Variants in BMP8A observed in about 807,000 individuals in gnomAD.
BMP8A encodes bone morphogenetic protein 8a.
In BMP8A, 14 loss-of-function variants were observed where a neutral mutation model predicts 36.8. The ratio of observed to expected loss-of-function variants is 0.38; its 90% confidence interval spans 0.25 to 0.60. BMP8A has a LOEUF of 0.60. BMP8A is among the 20% of genes least tolerant of loss of function. The probability of loss-of-function intolerance (pLI) is 0.63; values close to 1 mark genes in which losing one functional copy is unlikely to be tolerated. For synonymous variants in BMP8A, 120 were observed against 237.7 expected, an observed-to-expected ratio of 0.50 and a Z score of 4.55; for missense variants, 267 against 551.1, an observed-to-expected ratio of 0.48 and a Z score of 5.16.
rs995998431 is a variant in BMP8A at position 39,528,118 on chromosome 1, C to T, written c.*2320C>T. Among the ~76,000 whole-genome samples, 8 of 152,172 alleles carry T rather than the reference C, an allele frequency of 5.3e-5. No homozygotes were observed. The highest frequency in any genetic ancestry group is 8.8e-5 in the Non-Finnish European group (6 of 68,042). The stretch of plus-strand genomic sequence containing the variant: ...GTTTGTGAAATGAATGTTTTCAAGA[C>T]GCAAACGCTGCTATGCCCATCAGGT... On this transcript the variant is annotated 3_prime_UTR_variant, in exon 7 of 7. Coordinates refer to ENST00000331593, the MANE Select transcript of BMP8A (RefSeq NM_181809.4).
At position 39,492,009 on chromosome 1, in the gene BMP8A, A is replaced by G. The variant is rs1873328; in HGVS notation, c.18A>G (p.Gly6=). 12 of 1,087,762 alleles carry G rather than the reference A, an allele frequency of 1.1e-5. No homozygotes were observed. Among genetic ancestry groups the G allele is most frequent in the Non-Finnish European group, 1.1e-5 (10 of 897,132 alleles). 67.4% of individuals were successfully genotyped at this position (1,087,762 alleles called of 1,614,324 possible). Reference sequence around the variant, plus strand: ...GGCCCGCCATGGCCGCGCGCCCCGGACCGCTCTGGCTTCTGGGCCTGACGT... The same window carrying G: ...GGCCCGCCATGGCCGCGCGCCCCGGGCCGCTCTGGCTTCTGGGCCTGACGT... MAARP[G]PLWLLGLTLC... is the part of the protein sequence containing the mutation. The change falls in exon 1 of 7, where the codon GGA becomes GGG. Residue 6 remains glycine, a synonymous_variant. Coordinates refer to ENST00000331593, the MANE Select transcript of BMP8A (RefSeq NM_181809.4).
chr1:39,510,720 T>A (rs1645346014), intron 1 of BMP8A, among the ~76,000 whole-genome samples: 1 of 152,216 alleles, frequency 6.6e-6, no homozygotes, highest in African/African-American at 2.4e-5. Flanking sequence ...TTATGTCCCC[T>A]GAGATGCCGT....
At chr1:39,497,636 A>G (rs919940884) in intron 1 of BMP8A, among the ~76,000 whole-genome samples, 58 of 152,298 alleles carry the variant, frequency 3.8e-4, no homozygotes, top group Admixed American at 2.0e-3. Context: ...TTAGGATTCC[A>G]GTCGCTTTCT....
At chr1:39,509,273 T>C (rs1249915643) in intron 1 of BMP8A, among the ~76,000 whole-genome samples, 1 of 152,172 alleles carries the variant, frequency 6.6e-6, no homozygotes, top group Admixed American at 6.5e-5. Flanking sequence ...GATTTTGTCT[T>C]GCAAATGGGG....
chr1:39,525,867 C>T lies in BMP8A; in HGVS notation c.*69C>T. The T allele has an allele frequency of 6.3e-7, 1 of 1,598,978 alleles. No individual in the cohort carries two copies. The highest frequency in any genetic ancestry group is 8.5e-7 in the Non-Finnish European group (1 of 1,174,526). Reference sequence around the variant, plus strand: ...TCGGGCCCTGCAGAGGCAGAAAACCCTTAAATGCTGTCACAGCTCAAGCAG... The same window carrying T: ...TCGGGCCCTGCAGAGGCAGAAAACCTTTAAATGCTGTCACAGCTCAAGCAG... On this transcript the variant is annotated 3_prime_UTR_variant, in exon 7 of 7. Coordinates refer to ENST00000331593, the MANE Select transcript of BMP8A (RefSeq NM_181809.4).
Position 39,511,120 on chromosome 1 carries a change from C to T in BMP8A, c.335-54C>T, listed in dbSNP as rs896006532. On this transcript the variant is annotated intron_variant, in intron 1 of 6. Coordinates refer to ENST00000331593, the MANE Select transcript of BMP8A (RefSeq NM_181809.4). ...GCGGTGGCTCACACCAGCTCTGCCCCCTCCAGAGCCCGAGCCATTCTGAGT... is the reference window on the plus strand; with the variant it reads ...GCGGTGGCTCACACCAGCTCTGCCCTCTCCAGAGCCCGAGCCATTCTGAGT... 14 of 1,481,178 alleles carry T rather than the reference C, an allele frequency of 9.5e-6. No homozygotes were observed. The South Asian group carries it at 1.4e-4, about 14-fold the overall frequency. The allele number at this position is 1,481,178 out of a possible 1,614,324, so 91.8% of individuals were successfully genotyped here.
chr1:39,499,035 C>T (rs919044458), intron 1 of BMP8A, among the ~76,000 whole-genome samples: 2 of 152,032 alleles, frequency 1.3e-5, no homozygotes, highest in South Asian at 2.1e-4. Context: ...CGGAACACAG[C>T]GGCCGATGAG....
intron 5 of BMP8A, among the ~76,000 whole-genome samples, chr1:39,522,708 CAACT>C (rs1436950607): frequency 7.9e-5 from 12 of 152,118 alleles, no homozygotes; most frequent in African/African-American, 2.9e-4. Flanking sequence ...CTGAATCAAC[CAACT>C]AAGCTGTCAG....
At chr1:39,508,176 G>A (rs1189433985) in intron 1 of BMP8A, among the ~76,000 whole-genome samples, 3 of 152,028 alleles carry the variant, frequency 2.0e-5, no homozygotes, top group South Asian at 2.1e-4. Flanking sequence ...GCGTGAACCC[G>A]GGAGGCGGAG....
chr1:39,492,449 G>T (rs1243410604), intron 1 of BMP8A, 124 bp downstream of exon 1: 24 of 1,348,328 alleles, frequency 1.8e-5, no homozygotes, highest in Non-Finnish European at 2.3e-5. Flanking sequence ...GCGAACCACA[G>T]GGGAGTGGGA....
chr1:39,503,547 C>T (rs971380860), intron 1 of BMP8A, among the ~76,000 whole-genome samples: 2 of 123,534 alleles, frequency 1.6e-5, no homozygotes, highest in African/African-American at 3.1e-5. Flanking sequence ...GATGGAGTCT[C>T]GCTCTCTCCC....
chr1:39,504,705 G>A (rs934429915), intron 1 of BMP8A, among the ~76,000 whole-genome samples: 11 of 152,248 alleles, frequency 7.2e-5, no homozygotes, highest in African/African-American at 2.7e-4. Context: ...AGGAAGAAAA[G>A]TGGGCCCAGG....
At chr1:39,502,346 G>C (rs749401532) in intron 1 of BMP8A, among the ~76,000 whole-genome samples, 3 of 152,068 alleles carry the variant, frequency 2.0e-5, no homozygotes, top group Non-Finnish European at 4.4e-5. Context: ...ACATACAGAT[G>C]TGTGTTTTTG....
chr1:39,524,000 A>G (rs1038425320), intron 6 of BMP8A: 2 of 158,576 alleles, frequency 1.3e-5, no homozygotes, highest in Non-Finnish European at 2.8e-5. Context: ...ACACACACAC[A>G]CACACACACG....
chr1:39,509,197 AG>A (rs1645329083), intron 1 of BMP8A, among the ~76,000 whole-genome samples: 1 of 152,350 alleles, frequency 6.6e-6, no homozygotes, highest in East Asian at 1.9e-4. Flanking sequence ...GAAAGCGGAC[AG>A]GAGAAGCCGG....
intron 1 of BMP8A, among the ~76,000 whole-genome samples, chr1:39,509,353 C>T (rs1017266353): frequency 6.6e-6 from 1 of 152,152 alleles, no homozygotes; most frequent in Non-Finnish European, 1.5e-5. Context: ...TCACCCAAGT[C>T]GTGTTGTGTG....
At position 39,526,720 on chromosome 1, in the gene BMP8A, A is replaced by C. The variant is rs1233044747; in HGVS notation, c.*922A>C. ...CCTGGGAAAGAGGTATGACTCCCAC[A>C]GGAGCAAAGAATCCTGGGGGCTTCC... On this transcript the variant is annotated 3_prime_UTR_variant, in exon 7 of 7. Transcript: ENST00000331593. Among the ~76,000 whole-genome samples the C allele has an allele frequency of 6.6e-6, 1 of 152,150 alleles. No individual in the cohort carries two copies. The highest frequency in any genetic ancestry group is 2.4e-5 in the African/African-American group (1 of 41,434).
rs369981354 is a variant in BMP8A, at chr1:39,505,985, C to CAAAAAAAA, written c.335-5189_335-5188insAAAAAAAA. On this transcript the variant is annotated intron_variant, in intron 1 of 6. Coordinates refer to ENST00000331593, the MANE Select transcript of BMP8A (RefSeq NM_181809.4). ...TGGGTGACAGAGCAAGACCCTGTCTCCAAAAAAAAAAAAAAAAAAAAGTGT... is the reference window on the plus strand; with the variant it reads ...TGGGTGACAGAGCAAGACCCTGTCTCAAAAAAAACAAAAAAAAAAAAAAAAAAAAGTGT... Among the ~76,000 whole-genome samples the CAAAAAAAA allele has an allele frequency of 1.4e-4, 13 of 93,914 alleles. 6 individuals are homozygous for CAAAAAAAA. Among genetic ancestry groups the CAAAAAAAA allele is most frequent in the African/African-American group, 1.9e-4 (4 of 21,150 alleles). The allele number at this position is 93,914 out of a possible 152,430, so 61.6% of individuals were successfully genotyped here.
At chr1:39,507,569 G>A (rs1645312704) in intron 1 of BMP8A, among the ~76,000 whole-genome samples, 2 of 152,204 alleles carry the variant, frequency 1.3e-5, no homozygotes, top group East Asian at 1.9e-4. Context: ...GGGAACATGG[G>A]AGGAGATTGT....
Sources: gnomAD v4.1 joint callset for allele counts (sites outside exome capture counted in the v4.1 genomes callset) on GRCh38, gnomAD v4.1.1 for gene constraint, MANE v1.5 for transcripts, NCBI Gene and HGNC (gene_info 2026-07-23, HGNC 2026-07-21) for gene names.